The following RNLS variants were observed in gnomAD, a reference collection of about 807,000 sequenced individuals.
RNLS encodes the protein renalase, FAD dependent amine oxidase, also known as renalase.
A neutral mutation model predicts 39.8 loss-of-function variants in RNLS; 39 were observed. That is an observed-to-expected ratio of 0.98 (90% confidence interval 0.76 to 1.28). The LOEUF is 1.28. Among genes scored for constraint, RNLS ranks in the 50% most tolerant of loss-of-function variants. The pLI is 0.00. For missense variants in RNLS, 410 were observed against 413.3 expected, an observed-to-expected ratio of 0.99 and a Z score of 0.07; for synonymous variants, 147 against 150.7, an observed-to-expected ratio of 0.98 and a Z score of 0.18.
chr10:88,552,577 G>A (rs1044115456), intron 4 of RNLS, among the ~76,000 whole-genome samples: 1 of 152,188 alleles, frequency 6.6e-6, no homozygotes, highest in Admixed American at 6.5e-5. Context: ...AACAGTTACT[G>A]ATTAAAATAT....
chr10:88,430,571 A>G (rs1264863679), intron 4 of RNLS, among the ~76,000 whole-genome samples: 2 of 151,902 alleles, frequency 1.3e-5, no homozygotes, highest in Non-Finnish European at 2.9e-5. Flanking sequence ...TGTACTCAAC[A>G]GTAGTAGGAA....
chr10:88,280,606 T>C (rs796271534), downstream of RNLS, among the ~76,000 whole-genome samples: 18 of 152,258 alleles, frequency 1.2e-4, no homozygotes, highest in African/African-American at 4.3e-4. Context: ...TTGCAGGCCA[T>C]ATGGTCTCTG....
At chr10:88,317,213 C>T (rs191790359) in intron 5 of RNLS, among the ~76,000 whole-genome samples, 1 of 152,160 alleles carries the variant, frequency 6.6e-6, no homozygotes, top group African/African-American at 2.4e-5. Context: ...AGTATTTGAA[C>T]CTCTGCATCC....
At chr10:88,213,095 T>G in the RNLS span, among the ~76,000 whole-genome samples, 1 of 152,186 alleles carries the variant, frequency 6.6e-6, no homozygotes, top group Non-Finnish European at 1.5e-5. Flanking sequence ...CTGGACTAGT[T>G]GCGGTTTGGG....
intron 4 of RNLS, among the ~76,000 whole-genome samples, chr10:88,408,775 T>C (rs555123101): frequency 3.3e-4 from 50 of 152,134 alleles, no homozygotes; most frequent in Admixed American, 1.6e-3. Context: ...TTTGTTTTCA[T>C]TGGGATTATG....
intron 4 of RNLS, among the ~76,000 whole-genome samples, chr10:88,402,880 ATAAAG>A (rs111263121): frequency 1.6e-4 from 25 of 152,230 alleles, no homozygotes; most frequent in African/African-American, 5.5e-4. Flanking sequence ...ATTCTAGCGA[ATAAAG>A]TAAAATATAT....
At chr10:88,249,795 A>G in the RNLS span, among the ~76,000 whole-genome samples, 2 of 152,156 alleles carry the variant, frequency 1.3e-5, no homozygotes, top group Non-Finnish European at 2.9e-5. Context: ...TCTTTTATGT[A>G]CTAGCTTCTG....
At chr10:88,449,744 A>G (rs1842260547) in intron 4 of RNLS, among the ~76,000 whole-genome samples, 1 of 152,318 alleles carries the variant, frequency 6.6e-6, no homozygotes, top group South Asian at 2.1e-4. Flanking sequence ...ATGCAAGGCC[A>G]TATAATTAAA....
chr10:88,401,330 C>T (rs1852902808), intron 4 of RNLS, among the ~76,000 whole-genome samples: 1 of 151,962 alleles, frequency 6.6e-6, no homozygotes, highest in African/African-American at 2.4e-5. Context: ...GTCTTTATAA[C>T]ATATATGTTG....
chr10:88,352,603 A>G (rs1589624268), intron 5 of RNLS, among the ~76,000 whole-genome samples: 1 of 152,342 alleles, frequency 6.6e-6, no homozygotes, highest in East Asian at 1.9e-4. Context: ...TTGGTTTGCC[A>G]GTATCTTATT....
intron 5 of RNLS, among the ~76,000 whole-genome samples, chr10:88,351,062 C>T (rs1027526132): frequency 6.6e-6 from 1 of 152,178 alleles, no homozygotes; most frequent in Admixed American, 6.5e-5. Flanking sequence ...ATCCTTCGCC[C>T]ACTTGTTGGT....
chr10:88,319,104 T>C (rs193084262), intron 5 of RNLS, among the ~76,000 whole-genome samples: 2 of 152,166 alleles, frequency 1.3e-5, no homozygotes, highest in Non-Finnish European at 2.9e-5. Context: ...AGCTCATATG[T>C]CAAATATATT....
chr10:88,283,874 T>C (rs1843111212), downstream of RNLS, among the ~76,000 whole-genome samples: 1 of 152,104 alleles, frequency 6.6e-6, no homozygotes, highest in Admixed American at 6.6e-5. Flanking sequence ...GCTTAACTCC[T>C]GGGTGACAAA....
At chr10:88,564,437 G>C (rs953198213) in intron 4 of RNLS, among the ~76,000 whole-genome samples, 3 of 152,062 alleles carry the variant, frequency 2.0e-5, no homozygotes, top group South Asian at 2.1e-4. Flanking sequence ...ATCAGAGGGT[G>C]GGGGGTGGAG....
At chr10:88,341,638 T>TCATAA (rs1303548029) in intron 5 of RNLS, among the ~76,000 whole-genome samples, 5 of 152,078 alleles carry the variant, frequency 3.3e-5, no homozygotes, top group African/African-American at 9.7e-5. Flanking sequence ...AAATCATGGC[T>TCATAA]CATAACATGA....
At chr10:88,304,037 C>G (rs1844736322) in intron 6 of RNLS, among the ~76,000 whole-genome samples, 2 of 152,198 alleles carry the variant, frequency 1.3e-5, no homozygotes, top group African/African-American at 4.8e-5. Context: ...TTGGGGCCCA[C>G]TACAAGTCTT....
intron 4 of RNLS, among the ~76,000 whole-genome samples, chr10:88,370,842 A>C (rs979384103): frequency 6.6e-6 from 1 of 152,166 alleles, no homozygotes; most frequent in African/African-American, 2.4e-5. Flanking sequence ...AAAAGCACGG[A>C]ATCAGTCTTG....
rs999344958 is a variant in RNLS, at chr10:88,312,979, G to C, written c.876+1487C>G. On this transcript the variant is annotated intron_variant, in intron 6 of 6. Transcript: ENST00000331772. Reference sequence around the variant, plus strand: ...CTGGATGATAACTTACTCCCTTTCAGGTTTTGCAGCCAATGTAGACTTCAT... The same window carrying C: ...CTGGATGATAACTTACTCCCTTTCACGTTTTGCAGCCAATGTAGACTTCAT... 4.4e-4 allele frequency among the ~76,000 whole-genome samples: 67 copies of C among 152,234 alleles called. No individual in the cohort carries two copies. In the South Asian group the frequency reaches 0.011, roughly 26 times the overall value.
intron 5 of RNLS, among the ~76,000 whole-genome samples, chr10:88,323,978 T>G (rs908557053): frequency 1.3e-5 from 2 of 152,020 alleles, no homozygotes; most frequent in Non-Finnish European, 2.9e-5. Context: ...AACATATGGA[T>G]AAATGTTCAA....
Sources: gnomAD v4.1 joint callset for allele counts (sites outside exome capture counted in the v4.1 genomes callset) on GRCh38, gnomAD v4.1.1 for gene constraint, MANE v1.5 for transcripts, NCBI Gene and HGNC (gene_info 2026-07-23, HGNC 2026-07-21) for gene names.